Variants in RAB15 observed in about 807,000 individuals in gnomAD.
RAB15 encodes ras-related protein Rab-15.
A neutral mutation model predicts 31.8 loss-of-function variants in RAB15; 13 were observed. The ratio of observed to expected loss-of-function variants is 0.41; its 90% confidence interval spans 0.27 to 0.65. The LOEUF (loss-of-function observed/expected upper bound fraction) is 0.65, where lower values mean the gene tolerates loss of function less well. Among genes scored for constraint, RAB15 ranks in the 30% least tolerant of loss-of-function variants. The probability of loss-of-function intolerance (pLI) is 0.32; values close to 1 mark genes in which losing one functional copy is unlikely to be tolerated. For synonymous variants in RAB15, 100 were observed against 105.6 expected (o/e 0.95, Z 0.33); for missense variants, 220 against 277.3 (o/e 0.79, Z 1.47).
Position 64,948,260 on chromosome 14 carries a change from A to T in RAB15, c.*94T>A. 1 of 1,315,078 alleles carries T rather than the reference A, an allele frequency of 7.6e-7. No homozygotes were observed. The highest frequency in any genetic ancestry group is 1.0e-6 in the Non-Finnish European group (1 of 991,970). The allele number at this position is 1,315,078 out of a possible 1,614,324, so 81.5% of individuals were successfully genotyped here. ...TGATACTCAATAGGGTCATCACACG[A>T]GAGGACAGCAGCAGGGCAAAGCCCC... On this transcript the variant is annotated 3_prime_UTR_variant, in exon 7 of 7. Transcript: ENST00000533601. This position sits in a 1 kb window ranked among gnomAD's most constrained non-coding sequence, Gnocchi z 7.0.
rs1319869629 is a variant in RAB15, at chr14:64,962,418, C to T, written c.124+9535G>A. Among the ~76,000 whole-genome samples, 1 of 152,102 alleles carries T rather than the reference C, an allele frequency of 6.6e-6. No individual in the cohort carries two copies. The highest frequency in any genetic ancestry group is 2.4e-5 in the African/African-American group (1 of 41,416). ...GTACTAGAAGATAAGCTATGAACAG[C>T]ACAGAAAGATCCTTGTCATCAGAGC... On this transcript the variant is annotated intron_variant, in intron 1 of 6. Transcript: ENST00000533601. The surrounding 1 kb of genome is among the most constrained non-coding windows in gnomAD (Gnocchi z 4.2).
chr14:64,960,173 C>G (rs1161941666), intron 1 of RAB15, among the ~76,000 whole-genome samples: 1 of 152,190 alleles, frequency 6.6e-6, no homozygotes, highest in African/African-American at 2.4e-5. Flanking sequence ...ACAGGCAGGG[C>G]CCTCCTCTGG....
At chr14:64,965,320 G>A (rs781238389) in intron 1 of RAB15, among the ~76,000 whole-genome samples, 1 of 151,992 alleles carries the variant, frequency 6.6e-6, no homozygotes, top group Non-Finnish European at 1.5e-5. Context: ...TTAGCCAGGT[G>A]TGGTGGTGCA....
intron 1 of RAB15, among the ~76,000 whole-genome samples, chr14:64,967,301 A>G (rs1887189396): frequency 6.6e-6 from 1 of 151,880 alleles, no homozygotes; most frequent in Non-Finnish European, 1.5e-5. Context: ...GAGAAAACCA[A>G]CTCCTGAGGG....
In RAB15 at chr14:64,948,608, C is replaced by T; in HGVS notation, c.480+60G>A. 6.2e-7 allele frequency: 1 copy of T among 1,611,038 alleles called. No individual in the cohort carries two copies. The highest frequency in any genetic ancestry group is 8.5e-7 in the Non-Finnish European group (1 of 1,177,678). On this transcript the variant is annotated intron_variant, in intron 6 of 6. Coordinates refer to ENST00000533601, the MANE Select transcript of RAB15 (RefSeq NM_001308154.2). This position sits in a 1 kb window ranked among gnomAD's most constrained non-coding sequence, Gnocchi z 7.0. Reference sequence around the variant, plus strand: ...GGATAAGGTCCATCTTATGGCTCCTCCTCCCACCTCTGCTGGACTCAGCCC... The same window carrying T: ...GGATAAGGTCCATCTTATGGCTCCTTCTCCCACCTCTGCTGGACTCAGCCC...
Position 64,951,552 on chromosome 14 carries a change from G to T in RAB15, c.246+51C>A. ...CAGACATCTCAAATACCCAGAGCTG[G>T]GAGTGTGGGTGGCAGCTTCCCACTT... On this transcript the variant is annotated intron_variant, in intron 3 of 6. Coordinates refer to ENST00000533601, the MANE Select transcript of RAB15 (RefSeq NM_001308154.2). This position sits in a 1 kb window ranked among gnomAD's most constrained non-coding sequence, Gnocchi z 7.2. The T allele has an allele frequency of 6.7e-7, 1 of 1,497,502 alleles. No homozygotes were observed. The highest frequency in any genetic ancestry group is 9.3e-7 in the Non-Finnish European group (1 of 1,073,342). The allele number at this position is 1,497,502 out of a possible 1,614,324, so 92.8% of individuals were successfully genotyped here.
chr14:64,960,787 AGGAAGGAGAGTG>A (rs1451423391), intron 1 of RAB15, among the ~76,000 whole-genome samples: 3 of 152,078 alleles, frequency 2.0e-5, no homozygotes, highest in Non-Finnish European at 4.4e-5. Flanking sequence ...TGTTGGGGAG[AGGAAGGAGAGTG>A]GGACAGAGAG....
intron 1 of RAB15, among the ~76,000 whole-genome samples, chr14:64,963,601 G>A (rs1418745906): frequency 6.6e-5 from 10 of 152,174 alleles, no homozygotes; most frequent in Admixed American, 6.5e-4. Context: ...GAAAAGACTA[G>A]GACATAGAAA....
In RAB15 at chr14:64,954,409, G is replaced by A. The variant is rs1248703603; in HGVS notation, c.125-1838C>T. ...ATGATACAGCACCTTCTTCCAAGAA[G>A]AACGAGAAATTTTCTCCAATTTGTA... On this transcript the variant is annotated intron_variant, in intron 1 of 6. Transcript: ENST00000533601. The surrounding 1 kb of genome is among the most constrained non-coding windows in gnomAD (Gnocchi z 4.3). The A allele has an allele frequency of 7.1e-6, 7 of 985,436 alleles. No individual in the cohort carries two copies. The South Asian group carries it at 1.4e-4, about 20-fold the overall frequency. 61.0% of individuals were successfully genotyped at this position (985,436 alleles called of 1,614,324 possible).
Position 64,950,897 on chromosome 14 carries a change from G to T in RAB15, c.324+177C>A. 7.5e-7 allele frequency: 1 copy of T among 1,332,088 alleles called. No homozygotes were observed. 82.5% of individuals were successfully genotyped at this position (1,332,088 alleles called of 1,614,324 possible). The stretch of plus-strand genomic sequence containing the variant: ...CCGTGGAGGCCTGGCAGGGTATAGA[G>T]AGTGAGGGCATGGCAGCTTCGGTTT... On this transcript the variant is annotated intron_variant, in intron 4 of 6. Transcript: ENST00000533601. This position sits in a 1 kb window ranked among gnomAD's most constrained non-coding sequence, Gnocchi z 5.6.
intron 1 of RAB15, among the ~76,000 whole-genome samples, chr14:64,961,874 C>T (rs1328125633): frequency 6.6e-6 from 1 of 150,792 alleles, no homozygotes; most frequent in Non-Finnish European, 1.5e-5. Flanking sequence ...GAGATCACAC[C>T]ACTGCACTCC....
Position 64,960,353 on chromosome 14 carries a change from T to C in RAB15, c.125-7782A>G, listed in dbSNP as rs77535370. On this transcript the variant is annotated intron_variant, in intron 1 of 6. Transcript: ENST00000533601. ...TACAGAAAGGAGCAGGCAGGGCACA[T>C]CCACACTAAAGAACACCCCTTCCCA... Among the ~76,000 whole-genome samples, 552 of 152,244 alleles carry C rather than the reference T, an allele frequency of 3.6e-3. 7 individuals are homozygous for C. Among genetic ancestry groups the C allele is most frequent in the East Asian group, 0.024 (124 of 5,168 alleles).
Position 64,952,720 on chromosome 14 carries a change from T to C in RAB15, c.125-149A>G, listed in dbSNP as rs1173246007. On this transcript the variant is annotated intron_variant, in intron 1 of 6. Transcript: ENST00000533601. This position sits in a 1 kb window ranked among gnomAD's most constrained non-coding sequence, Gnocchi z 4.2. ...GTAAAGGCCTTCTTTAAGCAGAAACTGACCTTAAGGAAGTATCTGAAGCTT... is the reference window on the plus strand; with the variant it reads ...GTAAAGGCCTTCTTTAAGCAGAAACCGACCTTAAGGAAGTATCTGAAGCTT... The C allele has an allele frequency of 3.5e-6, 2 of 570,712 alleles. No homozygotes were observed. The highest frequency in any genetic ancestry group is 6.3e-5 in the East Asian group (2 of 31,696). 35.4% of individuals were successfully genotyped at this position (570,712 alleles called of 1,614,324 possible).
At chr14:64,965,102 T>G (rs1887061849) in intron 1 of RAB15, among the ~76,000 whole-genome samples, 1 of 152,212 alleles carries the variant, frequency 6.6e-6, no homozygotes, top group African/African-American at 2.4e-5. Context: ...CATGCCACCA[T>G]AATCAGTTAA....
rs1290611719 is a variant in RAB15, at chr14:64,972,214, T to TCGCC, written c.-142_-139dup. ...GCCGGGCCCGGCCCCCGCGGCTGCC[T>TCGCC]CGCCCGCCCGCCTGCCCACTCGCTC... is the stretch of plus-strand genomic sequence containing the variant. On this transcript the variant is annotated 5_prime_UTR_variant, in exon 1 of 7. Transcript: ENST00000533601. The surrounding 1 kb of genome is among the most constrained non-coding windows in gnomAD (Gnocchi z 6.3). The TCGCC allele has an allele frequency of 3.8e-4, 213 of 560,000 alleles. No homozygotes were observed. Among genetic ancestry groups the TCGCC allele is most frequent in the Non-Finnish European group, 2.9e-4 (127 of 441,494 alleles). 34.7% of individuals were successfully genotyped at this position (560,000 alleles called of 1,614,324 possible).
intron 1 of RAB15, among the ~76,000 whole-genome samples, chr14:64,965,773 G>A (rs1471853214): frequency 1.3e-5 from 2 of 152,174 alleles, no homozygotes; most frequent in Non-Finnish European, 2.9e-5. Context: ...GGAAGGAGGA[G>A]GAGGAAGGAA....
rs185378684 is a variant in RAB15, at chr14:64,970,508, T to C, written c.124+1445A>G. Among the ~76,000 whole-genome samples the C allele has an allele frequency of 1.1e-4, 17 of 152,346 alleles. No homozygotes were observed. The highest frequency in any genetic ancestry group is 9.8e-4 in the Admixed American group (15 of 15,306). On this transcript the variant is annotated intron_variant, in intron 1 of 6. Transcript: ENST00000533601. This position sits in a 1 kb window ranked among gnomAD's most constrained non-coding sequence, Gnocchi z 4.1. ...AGAAAGACGGACAAGTTCTGTTCCCTGACCCTAAGTCCTGTTGTTTCACCC... is the reference window on the plus strand; with the variant it reads ...AGAAAGACGGACAAGTTCTGTTCCCCGACCCTAAGTCCTGTTGTTTCACCC...
rs1885983421 is a variant in RAB15 at position 64,947,556 on chromosome 14, G to T, written c.*798C>A. On this transcript the variant is annotated 3_prime_UTR_variant, in exon 7 of 7. Transcript: ENST00000533601. The surrounding 1 kb of genome is among the most constrained non-coding windows in gnomAD (Gnocchi z 5.6). ...CCTTCTCTGAAGCACCTGCCTCTGA[G>T]CTCAGTTCCCCAAAGAGGCAGGCGG... is the stretch of plus-strand genomic sequence containing the variant. The T allele has an allele frequency of 6.5e-6, 1 of 152,818 alleles. No homozygotes were observed. The highest frequency in any genetic ancestry group is 6.5e-5 in the Admixed American group (1 of 15,294). 9.5% of individuals were successfully genotyped at this position (152,818 alleles called of 1,614,324 possible).
chr14:64,955,378 C>T lies in RAB15; in HGVS notation c.125-2807G>A, dbSNP rs1475840956. On this transcript the variant is annotated intron_variant, in intron 1 of 6. Transcript: ENST00000533601. This position sits in a 1 kb window ranked among gnomAD's most constrained non-coding sequence, Gnocchi z 4.4. ...CCACCTACCAGTCAAGCCCTGGCCC[C>T]AGTAACCCGTGCCCATCGTGGCTCC... Among the ~76,000 whole-genome samples, 2 of 152,204 alleles carry T rather than the reference C, an allele frequency of 1.3e-5. No individual in the cohort carries two copies. Among genetic ancestry groups the T allele is most frequent in the African/African-American group, 4.8e-5 (2 of 41,444 alleles).
Sources: allele counts gnomAD v4.1 joint callset (sites outside exome capture counted in the v4.1 genomes callset), GRCh38; gene constraint gnomAD v4.1.1; non-coding constraint Gnocchi (gnomAD v3.1); transcripts MANE v1.5; gene names NCBI Gene and HGNC (gene_info 2026-07-23, HGNC 2026-07-21).